The following SLC17A1 variants were observed in gnomAD, a reference collection of about 807,000 sequenced individuals.
The protein encoded by SLC17A1 is sodium-dependent phosphate transport protein 1.
A neutral mutation model predicts 53.5 loss-of-function variants in SLC17A1; 51 were observed. That is an observed-to-expected ratio of 0.95 (90% CI 0.76 to 1.20). The LOEUF (loss-of-function observed/expected upper bound fraction) is 1.20, where lower values mean the gene tolerates loss of function less well. SLC17A1 is among the 50% of genes most tolerant of loss of function. SLC17A1 has a pLI of 0.00. For synonymous variants in SLC17A1, 179 were observed against 198.8 expected (o/e 0.90, Z 0.84); for missense variants, 538 against 568.2 (o/e 0.95, Z 0.54).
chr6:25,745,524 G>A, the SLC17A1 span, among the ~76,000 whole-genome samples: 1 of 152,264 alleles, frequency 6.6e-6, no homozygotes, highest in Admixed American at 6.5e-5. Flanking sequence ...TTGGTCTTTG[G>A]TCTGAAATTC....
chr6:25,809,976 T>C (rs1310661242), intron 10 of SLC17A1, among the ~76,000 whole-genome samples: 1 of 152,022 alleles, frequency 6.6e-6, no homozygotes, highest in African/African-American at 2.4e-5. Flanking sequence ...TTAGGGTGAA[T>C]TGATTTTTGA....
intron 6 of SLC17A1, among the ~76,000 whole-genome samples, chr6:25,814,670 A>G (rs978346597): frequency 3.3e-5 from 5 of 152,208 alleles, no homozygotes; most frequent in African/African-American, 1.2e-4. Context: ...CTGAATTGCC[A>G]AGACAGAAAA....
the SLC17A1 span, chr6:25,768,883 T>C: frequency 9.3e-7 from 1 of 1,077,518 alleles, no homozygotes; most frequent in Non-Finnish European, 1.4e-6. Flanking sequence ...CTCCCTATAT[T>C]TCTGCATCTC....
chr6:25,808,652 A>G (rs1227721891), intron 10 of SLC17A1, among the ~76,000 whole-genome samples: 1 of 152,088 alleles, frequency 6.6e-6, no homozygotes, highest in African/African-American at 2.4e-5. Context: ...ATATGAAAAA[A>G]CTTTCAACAT....
At chr6:25,813,018 G>C (rs1332583319) in intron 7 of SLC17A1, 26 bp from the exon 8 acceptor site, 1 of 1,613,246 alleles carries the variant, frequency 6.2e-7, no homozygotes, top group Non-Finnish European at 8.5e-7. Flanking sequence ...TTAAGAATTA[G>C]CACATTAGAA....
At chr6:25,757,658 T>C in the SLC17A1 span, among the ~76,000 whole-genome samples, 1 of 152,124 alleles carries the variant, frequency 6.6e-6, no homozygotes, top group African/African-American at 2.4e-5. Flanking sequence ...TCTTGCTAGC[T>C]GTGGCTTCTG....
intron 10 of SLC17A1, among the ~76,000 whole-genome samples, chr6:25,802,935 CTTTTTTTTT>C (rs34669145): frequency 6.5e-5 from 3 of 46,062 alleles, no homozygotes; most frequent in African/African-American, 9.0e-5. Flanking sequence ...CTATCTTCTT[CTTTTTTTTT>C]TTTTTTTTTT....
intron 12 of SLC17A1, among the ~76,000 whole-genome samples, chr6:25,796,181 C>G (rs1167932177): frequency 6.6e-6 from 1 of 152,070 alleles, no homozygotes; most frequent in Non-Finnish European, 1.5e-5. Context: ...TCAGATATTT[C>G]TACATTAAAA....
intron 10 of SLC17A1, among the ~76,000 whole-genome samples, chr6:25,806,888 A>G (rs1004721104): frequency 1.3e-5 from 2 of 152,024 alleles, no homozygotes; most frequent in Non-Finnish European, 2.9e-5. Flanking sequence ...TTTATCAAAA[A>G]AGAAAATATA....
At chr6:25,810,237 G>A (rs972154657) in intron 10 of SLC17A1, among the ~76,000 whole-genome samples, 3 of 152,066 alleles carry the variant, frequency 2.0e-5, no homozygotes, top group South Asian at 2.1e-4. Flanking sequence ...AAAAGCACAC[G>A]CAATGAAAGC....
chr6:25,731,726 A>G, the SLC17A1 span: 2 of 1,227,624 alleles, frequency 1.6e-6, no homozygotes, highest in South Asian at 1.5e-5. Context: ...AGAAACTTTC[A>G]TTGGCTCTTA....
At chr6:25,750,660 A>AG in the SLC17A1 span, among the ~76,000 whole-genome samples, 3 of 149,836 alleles carry the variant, frequency 2.0e-5, no homozygotes, top group East Asian at 5.9e-4. Context: ...AGAGAGAGAG[A>AG]AAGGAGGGAA....
At chr6:25,808,646 GA>G (rs1308885474) in intron 10 of SLC17A1, among the ~76,000 whole-genome samples, 2 of 152,112 alleles carry the variant, frequency 1.3e-5, no homozygotes, top group African/African-American at 4.8e-5. Context: ...ATAAGCATAT[GA>G]AAAAACTTTC....
chr6:25,789,233 G>C (rs2151474887), intron 12 of SLC17A1, among the ~76,000 whole-genome samples: 1 of 152,218 alleles, frequency 6.6e-6, no homozygotes, highest in East Asian at 1.9e-4. Context: ...GTAAGAAAGT[G>C]CTCAAAGAAT....
chr6:25,729,261 A>C, the SLC17A1 span, among the ~76,000 whole-genome samples: 1 of 152,234 alleles, frequency 6.6e-6, no homozygotes, highest in African/African-American at 2.4e-5. Context: ...TGGTTGAGAT[A>C]AGTAATGCAA....
the SLC17A1 span, among the ~76,000 whole-genome samples, chr6:25,743,617 G>A: frequency 7.2e-5 from 11 of 152,106 alleles, no homozygotes; most frequent in African/African-American, 2.7e-4. Flanking sequence ...ATTCAATTAA[G>A]TAGTTTATTA....
the SLC17A1 span, chr6:25,770,214 T>C: frequency 3.7e-6 from 6 of 1,614,136 alleles, no homozygotes; most frequent in Admixed American, 8.3e-5. Flanking sequence ...GTTTATTTCC[T>C]CATTCCTGAC....
intron 10 of SLC17A1, among the ~76,000 whole-genome samples, chr6:25,804,037 T>C (rs915916771): frequency 6.6e-6 from 1 of 152,198 alleles, no homozygotes; most frequent in African/African-American, 2.4e-5. Flanking sequence ...CATACGTATA[T>C]GACAGATGCA....
chr6:25,776,056 A>G, the SLC17A1 span, among the ~76,000 whole-genome samples: 14 of 152,264 alleles, frequency 9.2e-5, no homozygotes, highest in Non-Finnish European at 1.9e-4. Context: ...AATGCACTAT[A>G]AACTTTTATA....
Sources: allele counts gnomAD v4.1 joint callset (sites outside exome capture counted in the v4.1 genomes callset), GRCh38; gene constraint gnomAD v4.1.1; transcripts MANE v1.5; gene names NCBI Gene and HGNC (gene_info 2026-07-23, HGNC 2026-07-21).